GALNT7: variants seen among roughly 807,000 people sequenced by gnomAD.
The protein encoded by GALNT7 is N-acetylgalactosaminyltransferase 7.
GALNT7 carries 60 observed loss-of-function variants against 82.1 expected under a neutral mutation model. The ratio of observed to expected loss-of-function variants is 0.73; its 90% CI spans 0.59 to 0.91. The LOEUF is 0.91. Among genes scored for constraint, GALNT7 ranks in the 40% least tolerant of loss-of-function variants. GALNT7 has a pLI of 0.00. For missense variants in GALNT7, 660 were observed against 804.2 expected, an observed-to-expected ratio of 0.82 and a Z score of 2.17; for synonymous variants, 243 against 275.1, an observed-to-expected ratio of 0.88 and a Z score of 1.15.
At chr4:173,174,313 C>T (rs577539607) in intron 1 of GALNT7, among the ~76,000 whole-genome samples, 1 of 152,322 alleles carries the variant, frequency 6.6e-6, no homozygotes, top group African/African-American at 2.4e-5. Context: ...AAAGTGTCCT[C>T]TAAACCAAAC....
intron 8 of GALNT7, among the ~76,000 whole-genome samples, chr4:173,308,167 T>G (rs1279370562): frequency 1.3e-5 from 2 of 152,224 alleles, no homozygotes; most frequent in Non-Finnish European, 2.9e-5. Flanking sequence ...CAATGGGCCC[T>G]GGAGCTCTCT....
chr4:173,279,645 G>C (rs930550724), intron 2 of GALNT7, among the ~76,000 whole-genome samples: 1 of 152,114 alleles, frequency 6.6e-6, no homozygotes, highest in Non-Finnish European at 1.5e-5. Flanking sequence ...AGAGGTTTTA[G>C]ATGAAAGCAG....
At chr4:173,180,607 C>A (rs879178658) in intron 1 of GALNT7, among the ~76,000 whole-genome samples, 2 of 152,166 alleles carry the variant, frequency 1.3e-5, no homozygotes, top group Non-Finnish European at 2.9e-5. Context: ...GGATTACAGG[C>A]GTGAGCCACT....
At chr4:173,203,913 C>T (rs553962539) in intron 1 of GALNT7, among the ~76,000 whole-genome samples, 1 of 152,296 alleles carries the variant, frequency 6.6e-6, no homozygotes, top group Admixed American at 6.5e-5. Context: ...TGACTGTGTA[C>T]TTTTACCAGT....
At chr4:173,306,077 G>A (rs972194754) in intron 8 of GALNT7, among the ~76,000 whole-genome samples, 1 of 152,004 alleles carries the variant, frequency 6.6e-6, no homozygotes, top group African/African-American at 2.4e-5. Flanking sequence ...TATTTCATCA[G>A]TGTTTTATAG....
intron 2 of GALNT7, among the ~76,000 whole-genome samples, chr4:173,287,002 G>A (rs769563442): frequency 5.3e-5 from 8 of 152,216 alleles, no homozygotes; most frequent in Non-Finnish European, 8.8e-5. Flanking sequence ...GGACAGAGGA[G>A]AGTGTTATTT....
In GALNT7 at chr4:173,292,027, C is replaced by T; in HGVS notation, c.588-81C>T. On this transcript the variant is annotated intron_variant, in intron 2 of 11. Coordinates refer to ENST00000265000, the MANE Select transcript of GALNT7 (RefSeq NM_017423.3). This position sits in a 1 kb window ranked among gnomAD's most constrained non-coding sequence, Gnocchi z 4.8. Reference sequence around the variant, plus strand: ...CGTAGTTAAGTCGATAGTATGTAATCCAATCAGCAAATATAGTCAGCTTGG... The same window carrying T: ...CGTAGTTAAGTCGATAGTATGTAATTCAATCAGCAAATATAGTCAGCTTGG... 1 of 855,466 alleles carries T rather than the reference C, an allele frequency of 1.2e-6. No homozygotes were observed. The highest frequency in any genetic ancestry group is 2.6e-5 in the East Asian group (1 of 38,600). 53.0% of individuals were successfully genotyped at this position (855,466 alleles called of 1,614,324 possible). A position where few individuals can be genotyped will look rare whatever the true frequency, so the allele number is the denominator to read the frequency against.
At chr4:173,217,979 C>T (rs895918180) in intron 1 of GALNT7, among the ~76,000 whole-genome samples, 18 of 152,306 alleles carry the variant, frequency 1.2e-4, no homozygotes, top group African/African-American at 3.8e-4. Context: ...ACATCCCGCT[C>T]CAGAGAGTTC....
rs1579945156 is a variant in GALNT7, at chr4:173,240,644, T to C, written c.127-7336T>C. Among the ~76,000 whole-genome samples, 2 of 152,114 alleles carry C rather than the reference T, an allele frequency of 1.3e-5. 1 individual carries two copies. The highest frequency in any genetic ancestry group is 4.1e-4 in the South Asian group (2 of 4,820). Reference sequence around the variant, plus strand: ...TTGGCCTCCCAAAGTGCTGAGATTATAGGCATGAGCCACCGTGCCCAGCCG... The same window carrying C: ...TTGGCCTCCCAAAGTGCTGAGATTACAGGCATGAGCCACCGTGCCCAGCCG... On this transcript the variant is annotated intron_variant, in intron 1 of 11. Coordinates refer to ENST00000265000, the MANE Select transcript of GALNT7 (RefSeq NM_017423.3).
intron 1 of GALNT7, among the ~76,000 whole-genome samples, chr4:173,193,225 T>A (rs1732677387): frequency 1.3e-5 from 2 of 152,374 alleles, no homozygotes; most frequent in Middle Eastern, 6.8e-3. Flanking sequence ...GGTTGTGATA[T>A]AGGCCTGAAT....
rs1469212394 is a variant in GALNT7, at chr4:173,190,162, A to C, written c.126+21201A>C. On this transcript the variant is annotated intron_variant, in intron 1 of 11. Transcript: ENST00000265000. ...TCTTTTATGGTACTGTTAGGGATCC[A>C]TGCCCTTCTCTCTTGTTACTCTGTC... 2.6e-5 allele frequency among the ~76,000 whole-genome samples: 4 copies of C among 152,028 alleles called. No homozygotes were observed. In the East Asian group the frequency reaches 7.7e-4, roughly 29 times the overall value.
In GALNT7 at chr4:173,302,215, G is replaced by A; in HGVS notation, c.1266+51G>A. 1 of 845,578 alleles carries A rather than the reference G, an allele frequency of 1.2e-6. No homozygotes were observed. The highest frequency in any genetic ancestry group is 2.2e-4 in the Middle Eastern group (1 of 4,550). 52.4% of individuals were successfully genotyped at this position (845,578 alleles called of 1,614,324 possible). A position where few individuals can be genotyped will look rare whatever the true frequency, so the allele number is the denominator to read the frequency against. ...ATTCTCCAAGTCGTTACTAACTTCT[G>A]TGGCTTTCAGATAAAGCTAGTTTTT... On this transcript the variant is annotated intron_variant, in intron 7 of 11. Transcript: ENST00000265000. The surrounding 1 kb of genome is among the most constrained non-coding windows in gnomAD (Gnocchi z 4.2).
intron 1 of GALNT7, among the ~76,000 whole-genome samples, chr4:173,221,219 T>C (rs942077279): frequency 7.2e-5 from 11 of 152,248 alleles, no homozygotes; most frequent in Admixed American, 4.6e-4. Flanking sequence ...TGATATCTCA[T>C]TGTGGTTTTG....
chr4:173,193,605 C>G (rs1159225123), intron 1 of GALNT7, among the ~76,000 whole-genome samples: 1 of 151,826 alleles, frequency 6.6e-6, no homozygotes, highest in East Asian at 1.9e-4. Flanking sequence ...TCTTTTTTGA[C>G]AATAAAATAA....
At chr4:173,221,352 G>A (rs1415582514) in intron 1 of GALNT7, among the ~76,000 whole-genome samples, 1 of 152,142 alleles carries the variant, frequency 6.6e-6, no homozygotes, top group Non-Finnish European at 1.5e-5. Flanking sequence ...AAGAAAGACA[G>A]GAAGAGTTTC....
At chr4:173,267,961 T>TTCACC (rs897015775) in intron 2 of GALNT7, among the ~76,000 whole-genome samples, 3 of 152,112 alleles carry the variant, frequency 2.0e-5, no homozygotes, top group African/African-American at 7.2e-5. Context: ...GTGTGTGGTA[T>TTCACC]TCAGCCTTAT....
intron 1 of GALNT7, among the ~76,000 whole-genome samples, chr4:173,238,216 T>C (rs1007736515): frequency 3.3e-5 from 5 of 152,320 alleles, no homozygotes; most frequent in African/African-American, 1.2e-4. Context: ...TTTTTTCTCT[T>C]CACTTTCCCA....
rs547098327 is a variant in GALNT7 at position 173,221,194 on chromosome 4, C to G, written c.127-26786C>G. On this transcript the variant is annotated intron_variant, in intron 1 of 11. Transcript: ENST00000265000. Reference sequence around the variant, plus strand: ...TCCTGACTTTTTAATGATCGCCATTCTAACTGGTGTGAGATGATATCTCAT... The same window carrying G: ...TCCTGACTTTTTAATGATCGCCATTGTAACTGGTGTGAGATGATATCTCAT... Among the ~76,000 whole-genome samples, 18 of 152,144 alleles carry G rather than the reference C, an allele frequency of 1.2e-4. 1 individual carries two copies. Among genetic ancestry groups the G allele is most frequent in the Middle Eastern group, 3.4e-3 (1 of 294 alleles).
At chr4:173,216,082 C>T (rs557837286) in intron 1 of GALNT7, among the ~76,000 whole-genome samples, 1 of 152,296 alleles carries the variant, frequency 6.6e-6, no homozygotes, top group East Asian at 1.9e-4. Context: ...TGCGATCACA[C>T]ACTCCAGCCT....
Sources: allele counts gnomAD v4.1 joint callset (sites outside exome capture counted in the v4.1 genomes callset), GRCh38; gene constraint gnomAD v4.1.1; non-coding constraint Gnocchi (gnomAD v3.1); transcripts MANE v1.5; gene names NCBI Gene and HGNC (gene_info 2026-07-23, HGNC 2026-07-21).